TMEM67: variants seen among roughly 807,000 people sequenced by gnomAD.
The protein encoded by TMEM67 is transmembrane protein 67, also known as meckelin.
Under a neutral mutation model 136.6 loss-of-function variants are expected in TMEM67, and 124 were observed. The observed-to-expected ratio is 0.91, with a 90% CI of 0.78 to 1.05. TMEM67 has a LOEUF of 1.05. TMEM67 is among the 50% of genes least tolerant of loss of function. The pLI is 0.00. For missense variants in TMEM67, 1,107 were observed against 1,178.4 expected (o/e 0.94, Z 0.89); for synonymous variants, 364 against 390.5 (o/e 0.93, Z 0.80).
chr8:93,826,250 C>T, the TMEM67 span, among the ~76,000 whole-genome samples: 2 of 151,208 alleles, frequency 1.3e-5, no homozygotes, highest in Non-Finnish European at 1.5e-5. Flanking sequence ...CTGCCTCAGC[C>T]TCCCAAGTAG....
At chr8:93,772,561 A>C in intron 6 of TMEM67, 28 bp from the exon 7 acceptor site, 1 of 1,583,880 alleles carries the variant, frequency 6.3e-7, no homozygotes, top group Non-Finnish European at 8.7e-7. Context: ...TTTGAACTTA[A>C]AAATAAAATG....
intron 2 of TMEM67, 92 bp from the exon 3 acceptor site, chr8:93,758,391 A>G: frequency 1.1e-6 from 1 of 892,292 alleles, no homozygotes; most frequent in Non-Finnish European, 1.8e-6. Context: ...TATTCACTGT[A>G]GTTACATACT....
rs1814656494 is a variant in TMEM67, at chr8:93,797,176, G to A, written c.1903G>A (p.Asp635Asn). The change falls in exon 19 of 28, where the codon GAT (aspartate) becomes AAT (asparagine). Residue 635 changes from aspartate to asparagine, a missense_variant. Transcript: ENST00000453321. ...TAAGCTCATATCCCAGATTACAATA[G>A]ATGTATTCTTTATTGATTGGGAGCG... is the stretch of plus-strand genomic sequence containing the variant. ...LHKLISQITI[D>N]VFFIDWERPK... 5 of 1,612,742 alleles carry A rather than the reference G, an allele frequency of 3.1e-6. 1 individual carries two copies. The South Asian group carries it at 4.4e-5, about 14-fold the overall frequency.
chr8:93,784,877 A>G (rs1297613360), intron 11 of TMEM67, among the ~76,000 whole-genome samples: 1 of 152,212 alleles, frequency 6.6e-6, no homozygotes, highest in Non-Finnish European at 1.5e-5. Flanking sequence ...ATCCCGTAGG[A>G]CAGTAGTTTT....
chr8:93,814,732 C>T (rs1808841288), intron 26 of TMEM67, among the ~76,000 whole-genome samples: 1 of 151,658 alleles, frequency 6.6e-6, no homozygotes, highest in South Asian at 2.1e-4. Flanking sequence ...AGCAGTCCTC[C>T]TGCCTCAGCC....
chr8:93,797,199 G>A lies in TMEM67; in HGVS notation c.1926G>A (p.Glu642=), dbSNP rs747282253. 10 of 1,613,272 alleles carry A rather than the reference G, an allele frequency of 6.2e-6. No homozygotes were observed. The South Asian group carries it at 6.6e-5, about 11-fold the overall frequency. The change falls in exon 19 of 28, where the codon GAG becomes GAA. Residue 642 remains glutamate, a synonymous_variant. Transcript: ENST00000453321. Reference sequence around the variant, plus strand: ...TAGATGTATTCTTTATTGATTGGGAGCGACCTAAAGGAAAGGTTCTTAAAG... The same window carrying A: ...TAGATGTATTCTTTATTGATTGGGAACGACCTAAAGGAAAGGTTCTTAAAG... ...ITIDVFFIDW[E]RPKGKVLKAV... is the part of the protein sequence containing the mutation.
downstream of TMEM67, chr8:93,819,314 G>A: frequency 7.5e-6 from 3 of 398,810 alleles, no homozygotes; most frequent in South Asian, 5.7e-5. Flanking sequence ...GCTCTGCCAG[G>A]AAGAGGCCCA....
chr8:93,765,071 A>T (rs1444979856), intron 4 of TMEM67, among the ~76,000 whole-genome samples: 1 of 152,218 alleles, frequency 6.6e-6, no homozygotes, highest in Non-Finnish European at 1.5e-5. Context: ...TGATATAACT[A>T]ATTGTAAAAA....
At chr8:93,779,412 G>A (rs1281482299) in intron 7 of TMEM67, among the ~76,000 whole-genome samples, 7 of 152,174 alleles carry the variant, frequency 4.6e-5, no homozygotes, top group African/African-American at 7.2e-5. Flanking sequence ...GTGAGGAGCT[G>A]CATTCCTTTG....
Position 93,780,679 on chromosome 8 carries a change from A to G in TMEM67, c.801A>G (p.Ala267=). 2 of 1,614,124 alleles carry G rather than the reference A, an allele frequency of 1.2e-6. No homozygotes were observed. Among genetic ancestry groups the G allele is most frequent in the Middle Eastern group, 1.7e-4 (1 of 6,058 alleles). ...CTTACGACTTTGCCACATTTGATGC[A>G]TGTGGACTATTTCAGTTTATCTTTG... The part of the protein sequence containing the change: ...MNSYDFATFD[A]CGLFQFIFEN... The change falls in exon 8 of 28, where the codon GCA becomes GCG. Residue 267 remains alanine (A), a synonymous_variant. Transcript: ENST00000453321.
At chr8:93,759,967 G>T in intron 3 of TMEM67, 2 of 1,537,464 alleles carry the variant, frequency 1.3e-6, no homozygotes, top group South Asian at 2.4e-5. Flanking sequence ...ACTTTAGAAG[G>T]AATGTACAAC....
chr8:93,815,480 C>T (rs1316328283), intron 27 of TMEM67, 33 bp downstream of exon 27: 45 of 1,567,950 alleles, frequency 2.9e-5, no homozygotes, highest in Non-Finnish European at 3.7e-5. Context: ...CATTTTCCTT[C>T]ATTTTCTTGA....
chr8:93,814,355 A>G (rs901262871), intron 26 of TMEM67, among the ~76,000 whole-genome samples: 9 of 149,684 alleles, frequency 6.0e-5, no homozygotes, highest in Non-Finnish European at 1.0e-4. Flanking sequence ...TAGCCAGGAT[A>G]GTCTTGATCG....
chr8:93,825,237 C>A, the TMEM67 span, among the ~76,000 whole-genome samples: 27 of 152,268 alleles, frequency 1.8e-4, no homozygotes, highest in South Asian at 5.0e-3. Flanking sequence ...TGTGGTATGT[C>A]TGAGGTGAGT....
intron 14 of TMEM67, among the ~76,000 whole-genome samples, chr8:93,789,629 G>A (rs1191838123): frequency 6.8e-6 from 1 of 148,148 alleles, no homozygotes. Context: ...TGGGCAACAA[G>A]AGTGAAACTC....
downstream of TMEM67, among the ~76,000 whole-genome samples, chr8:93,818,826 G>C (rs373765733): frequency 3.1e-4 from 47 of 152,198 alleles, no homozygotes; most frequent in African/African-American, 1.1e-3. Context: ...GAGAGAGATG[G>C]GGTCTCACTC....
At chr8:93,776,908 A>G (rs549982668) in intron 7 of TMEM67, among the ~76,000 whole-genome samples, 1 of 152,300 alleles carries the variant, frequency 6.6e-6, no homozygotes, top group Non-Finnish European at 1.5e-5. Flanking sequence ...TATTGATTGA[A>G]ATAGTTTCAG....
chr8:93,815,354 T>C lies in TMEM67; in HGVS notation c.2814T>C (p.Thr938=), dbSNP rs777590979. ...TCCTGTATTATGGAAATGAAGCTACTCTTCTTATTTTTGATCTGCTGTTCT... is the reference window on the plus strand; with the variant it reads ...TCCTGTATTATGGAAATGAAGCTACCCTTCTTATTTTTGATCTGCTGTTCT... ...SSVLYYGNEA[T]LLIFDLLFFC... The change falls in exon 27 of 28, where the codon ACT becomes ACC. Residue 938 remains threonine (T), a synonymous_variant. Coordinates refer to ENST00000453321, the MANE Select transcript of TMEM67 (RefSeq NM_153704.6). 5 of 1,611,012 alleles carry C rather than the reference T, an allele frequency of 3.1e-6. No homozygotes were observed. The highest frequency in any genetic ancestry group is 2.2e-5 in the South Asian group (2 of 90,770).
At position 93,791,303 on chromosome 8, in the gene TMEM67, C is replaced by T. The variant is rs2130711278; in HGVS notation, c.1559C>T (p.Ala520Val). 6.2e-7 allele frequency: 1 copy of T among 1,603,564 alleles called. No individual in the cohort carries two copies. Among genetic ancestry groups the T allele is most frequent in the Non-Finnish European group, 8.5e-7 (1 of 1,171,030 alleles). ...ACATATGAAATGGATCATGGAGAAGCACATGTCCAGACAGATGTAAGTTTA... is the reference window on the plus strand; with the variant it reads ...ACATATGAAATGGATCATGGAGAAGTACATGTCCAGACAGATGTAAGTTTA... ...SVTYEMDHGE[A>V]HVQTDIALGV... Residue 520 changes from alanine (A) to valine (V), a missense_variant, in exon 15 of 28, where the codon GCA becomes GTA. Ala to Val is a moderately conservative substitution (Grantham distance 64). This residue lies in a region of TMEM67 where 925 missense variants were observed against 1,002.4 expected (regional missense o/e 0.92). Coordinates refer to ENST00000453321, the MANE Select transcript of TMEM67 (RefSeq NM_153704.6).
Sources: allele counts gnomAD v4.1 joint callset (sites outside exome capture counted in the v4.1 genomes callset), GRCh38; gene constraint gnomAD v4.1.1; regional missense constraint gnomAD v4.1.1; transcripts MANE v1.5; gene names NCBI Gene and HGNC (gene_info 2026-07-23, HGNC 2026-07-21).